Variants in WWTR1 observed in about 807,000 individuals in gnomAD.
The protein encoded by WWTR1 is WW domain containing transcription regulator 1, also known as WW domain-containing transcription regulator protein 1.
Under a neutral mutation model 40.1 loss-of-function variants are expected in WWTR1, and 13 were observed. That is an observed-to-expected ratio of 0.32 (90% CI 0.21 to 0.52). WWTR1 has a LOEUF of 0.52. WWTR1 is among the 20% of genes least tolerant of loss of function. The pLI is 0.97. For missense variants in WWTR1, 436 were observed against 523.1 expected (o/e 0.83, Z 1.63); for synonymous variants, 230 against 210.1 (o/e 1.09, Z -0.82).
intron 1 of WWTR1, among the ~76,000 whole-genome samples, chr3:149,683,475 C>T (rs1231280915): frequency 1.4e-5 from 2 of 147,384 alleles, no homozygotes; most frequent in Non-Finnish European, 3.1e-5. Context: ...GGATGGATCA[C>T]TTGAGGTCAG....
At chr3:149,620,739 C>G (rs1426504353) in intron 2 of WWTR1, among the ~76,000 whole-genome samples, 1 of 152,178 alleles carries the variant, frequency 6.6e-6, no homozygotes, top group Non-Finnish European at 1.5e-5. Flanking sequence ...CAGCTCACAT[C>G]CCATCTGTCT....
chr3:149,541,305 G>A (rs1039441107), intron 4 of WWTR1, among the ~76,000 whole-genome samples: 6 of 152,208 alleles, frequency 3.9e-5, no homozygotes, highest in African/African-American at 1.4e-4. Flanking sequence ...GAGCACTGTG[G>A]GTTCTTTTAG....
At chr3:149,696,887 C>G (rs1715010986) in intron 1 of WWTR1, among the ~76,000 whole-genome samples, 1 of 152,180 alleles carries the variant, frequency 6.6e-6, no homozygotes, top group Admixed American at 6.5e-5. Flanking sequence ...CACAACAGTT[C>G]CAGTCACCCT....
rs1410802073 is a variant in WWTR1 at position 149,552,315 on chromosome 3, A to G, written c.569-9778T>C. Among the ~76,000 whole-genome samples, 6 of 109,230 alleles carry G rather than the reference A, an allele frequency of 5.5e-5. 1 individual carries two copies. Among genetic ancestry groups the G allele is most frequent in the African/African-American group, 7.7e-5 (2 of 26,096 alleles). 71.7% of individuals were successfully genotyped at this position (109,230 alleles called of 152,430 possible). ...TTTTAGTGCATTTCAAATCTGATTA[A>G]GGCACAGAGTAGGCACTAAATACAT... On this transcript the variant is annotated intron_variant, in intron 3 of 6. Transcript: ENST00000360632.
chr3:149,700,319 T>A (rs1376394280), intron 1 of WWTR1, among the ~76,000 whole-genome samples: 1 of 151,660 alleles, frequency 6.6e-6, no homozygotes, highest in Non-Finnish European at 1.5e-5. Context: ...AGAAAAAAAA[T>A]TAATAAAAAA....
rs750809720 is a variant in WWTR1, at chr3:149,577,324, C to A, written c.432-4324G>T. Among the ~76,000 whole-genome samples the A allele has an allele frequency of 2.9e-4, 44 of 152,078 alleles. 1 individual carries two copies. The highest frequency in any genetic ancestry group is 1.3e-4 in the Admixed American group (2 of 15,266). The stretch of plus-strand genomic sequence containing the variant: ...GTTCCTACGGGGAAGAAAAGCTTTT[C>A]TTGACAGTAAACATTTTTTTCCTCG... On this transcript the variant is annotated intron_variant, in intron 2 of 6. Coordinates refer to ENST00000360632, the MANE Select transcript of WWTR1 (RefSeq NM_015472.6).
Position 149,542,483 on chromosome 3 carries a change from T to G in WWTR1, c.623A>C (p.Asn208Thr), listed in dbSNP as rs140952561. The G allele has an allele frequency of 2.9e-3, 4,756 of 1,613,852 alleles. 20 individuals carry two copies. The highest frequency in any genetic ancestry group is 3.7e-3 in the Non-Finnish European group (4,391 of 1,179,868). ...QMAPSTLSQQ[N>T]HPTQNPPAGL... ...TGCGGGTGGGTTCTGAGTGGGGTGGTTCTGCTGGCTCAGGGTACTGGGGGC... is the reference window on the plus strand; with the variant it reads ...TGCGGGTGGGTTCTGAGTGGGGTGGGTCTGCTGGCTCAGGGTACTGGGGGC... Residue 208 changes from asparagine (N) to threonine (T), a missense_variant, in exon 4 of 7, where the codon AAC (asparagine) becomes ACC (threonine). Coordinates refer to ENST00000360632, the MANE Select transcript of WWTR1 (RefSeq NM_015472.6).
At chr3:149,635,519 GAGA>G (rs1051647274) in intron 2 of WWTR1, among the ~76,000 whole-genome samples, 2 of 150,018 alleles carry the variant, frequency 1.3e-5, no homozygotes, top group African/African-American at 4.9e-5. Context: ...GAAGAAGGAG[GAGA>G]AGGAGAAGGA....
intron 1 of WWTR1, among the ~76,000 whole-genome samples, chr3:149,698,259 C>G (rs1715054717): frequency 6.6e-6 from 1 of 152,100 alleles, no homozygotes; most frequent in Non-Finnish European, 1.5e-5. Flanking sequence ...GAGGGCAGTT[C>G]CCCCCATACT....
intron 2 of WWTR1, among the ~76,000 whole-genome samples, chr3:149,604,790 G>A (rs1739409640): frequency 1.3e-5 from 2 of 152,216 alleles, no homozygotes; most frequent in African/African-American, 4.8e-5. Context: ...CAGACACACT[G>A]GCAGGCCAGA....
At chr3:149,719,316 G>A (rs527585899) in intron 4 of WWTR1, among the ~76,000 whole-genome samples, 7 of 151,950 alleles carry the variant, frequency 4.6e-5, no homozygotes, top group African/African-American at 9.7e-5. Context: ...GACTACAGGC[G>A]TCAGCCACCA....
At chr3:149,568,761 C>CT (rs1459704574) in intron 3 of WWTR1, among the ~76,000 whole-genome samples, 2 of 152,080 alleles carry the variant, frequency 1.3e-5, no homozygotes, top group Non-Finnish European at 2.9e-5. Context: ...ATCTAAAGCT[C>CT]TTTTTGTTGT....
At chr3:149,719,105 T>C (rs1715683038) in intron 4 of WWTR1, among the ~76,000 whole-genome samples, 1 of 151,984 alleles carries the variant, frequency 6.6e-6, no homozygotes, top group Non-Finnish European at 1.5e-5. Context: ...GGATTACAGA[T>C]GTGAGGCACC....
chr3:149,654,890 G>A (rs917391818), intron 2 of WWTR1, among the ~76,000 whole-genome samples: 1 of 152,156 alleles, frequency 6.6e-6, no homozygotes, highest in Admixed American at 6.5e-5. Context: ...TTGGGAGGCC[G>A]AGGCGGGCAG....
chr3:149,536,639 A>G (rs1459493719), intron 4 of WWTR1, among the ~76,000 whole-genome samples: 1 of 152,096 alleles, frequency 6.6e-6, no homozygotes. Context: ...AGACCTGCCA[A>G]AAGAATTCCG....
chr3:149,565,307 C>CTT (rs63069960), intron 3 of WWTR1, among the ~76,000 whole-genome samples: 1 of 145,720 alleles, frequency 6.9e-6, no homozygotes, highest in Admixed American at 6.9e-5. Flanking sequence ...TAGCATACTA[C>CTT]TTTTTTTTTT....
At chr3:149,684,525 G>C (rs1456998204) in intron 1 of WWTR1, among the ~76,000 whole-genome samples, 2 of 151,598 alleles carry the variant, frequency 1.3e-5, no homozygotes, top group Non-Finnish European at 2.9e-5. Flanking sequence ...CAGTCTATGT[G>C]ATCCTTCTGA....
intron 2 of WWTR1, among the ~76,000 whole-genome samples, chr3:149,622,197 T>C (rs1471868865): frequency 6.6e-6 from 1 of 152,138 alleles, no homozygotes; most frequent in Non-Finnish European, 1.5e-5. Flanking sequence ...GACAATGACA[T>C]TTCAGGTATA....
At chr3:149,572,061 G>A (rs892151383) in intron 3 of WWTR1, among the ~76,000 whole-genome samples, 11 of 152,038 alleles carry the variant, frequency 7.2e-5, no homozygotes, top group South Asian at 2.1e-4. Context: ...ATTATCCCAC[G>A]GCAGGTATGG....
Sources: allele counts gnomAD v4.1 joint callset (sites outside exome capture counted in the v4.1 genomes callset), GRCh38; gene constraint gnomAD v4.1.1; transcripts MANE v1.5; gene names NCBI Gene and HGNC (gene_info 2026-07-23, HGNC 2026-07-21).